The following SPOPL variants were observed in gnomAD, a reference collection of about 807,000 sequenced individuals.
SPOPL encodes the protein speckle type BTB/POZ protein like.
Under a neutral mutation model 53.8 loss-of-function variants are expected in SPOPL, and 23 were observed. That is an observed-to-expected ratio of 0.43 (90% confidence interval 0.31 to 0.61). The LOEUF is 0.61. Ranked by LOEUF, SPOPL falls within the 20% of genes least tolerant of loss-of-function variation. The probability of loss-of-function intolerance (pLI) is 0.12; values close to 1 mark genes in which losing one functional copy is unlikely to be tolerated. For missense variants in SPOPL, 442 were observed against 466.9 expected (o/e 0.95, Z 0.49); for synonymous variants, 164 against 149.7 (o/e 1.10, Z -0.70).
At chr2:138,558,631 A>C (rs1453143752) in intron 5 of SPOPL, among the ~76,000 whole-genome samples, 2 of 152,096 alleles carry the variant, frequency 1.3e-5, no homozygotes, top group African/African-American at 4.8e-5. Context: ...CATATAGTAA[A>C]ATTTAAATGT....
Position 138,538,280 on chromosome 2 carries a change from G to C in SPOPL, c.-60-11877G>C, listed in dbSNP as rs148088887. 2.0e-5 allele frequency among the ~76,000 whole-genome samples: 3 copies of C among 152,090 alleles called. No individual in the cohort carries two copies. In the East Asian group the frequency reaches 5.8e-4, roughly 29 times the overall value. ...TCTTTATTGATCTTCCTCGTTCTCT[G>C]CATCATTGAATGTTGGGTATTTCTG... On this transcript the variant is annotated intron_variant, in intron 1 of 10. Transcript: ENST00000280098.
At chr2:138,531,884 G>C (rs542014900) in intron 1 of SPOPL, among the ~76,000 whole-genome samples, 1 of 152,032 alleles carries the variant, frequency 6.6e-6, no homozygotes, top group Non-Finnish European at 1.5e-5. Context: ...AATTGTAAAG[G>C]CTCCAGATGA....
At chr2:138,529,816 T>G (rs543967379) in intron 1 of SPOPL, among the ~76,000 whole-genome samples, 5 of 152,348 alleles carry the variant, frequency 3.3e-5, no homozygotes, top group African/African-American at 1.2e-4. Context: ...ATACATAATT[T>G]TTTTAAACTT....
intron 1 of SPOPL, among the ~76,000 whole-genome samples, chr2:138,503,885 C>T (rs935676724): frequency 2.0e-5 from 3 of 152,170 alleles, no homozygotes; most frequent in Admixed American, 6.5e-5. Context: ...GCTTGTCTTC[C>T]TTCAGAAGAC....
Position 138,560,916 on chromosome 2 carries a change from G to T in SPOPL, c.826G>T (p.Ala276Ser), listed in dbSNP as rs1185378136. Residue 276 changes from alanine (A) to serine (S), a missense_variant, in exon 8 of 11, where the codon GCT (alanine) becomes TCT (serine). Ala to Ser is a moderately conservative substitution (Grantham distance 99). Coordinates refer to ENST00000280098, the MANE Select transcript of SPOPL (RefSeq NM_001001664.3). ...LDKMADNLLA[A>S]ADKYALERLK... ...CAAAATGGCTGACAACTTGTTGGCA[G>T]CTGCAGACAAAGTAAGTAATTAGGT... The T allele has an allele frequency of 2.5e-6, 4 of 1,608,776 alleles. No individual in the cohort carries two copies. The East Asian group carries it at 8.9e-5, about 36-fold the overall frequency.
intron 10 of SPOPL, among the ~76,000 whole-genome samples, chr2:138,566,238 A>G (rs1240921828): frequency 6.7e-6 from 1 of 150,120 alleles, no homozygotes; most frequent in African/African-American, 2.5e-5. Context: ...CTAATATGAT[A>G]TCATTATGGC....
intron 7 of SPOPL, 30 bp from the exon 8 acceptor site, chr2:138,560,775 T>A (rs1685528028): frequency 2.6e-6 from 4 of 1,549,512 alleles, no homozygotes; most frequent in African/African-American, 1.4e-5. Flanking sequence ...TTTTTTTTTT[T>A]AACATTTTTG....
chr2:138,520,416 T>G (rs1297540098), intron 1 of SPOPL, among the ~76,000 whole-genome samples: 1 of 152,220 alleles, frequency 6.6e-6, no homozygotes, highest in Non-Finnish European at 1.5e-5. Context: ...CATACCTGCG[T>G]ACATACATGT....
Position 138,569,201 on chromosome 2 carries a change from GA to G in SPOPL, c.*126del. On this transcript the variant is annotated 3_prime_UTR_variant, in exon 11 of 11. Transcript: ENST00000280098. ...TTATTTTGTCCACAGAACAGAAGCT[GA>G]AAAAGCATATTGCTTGCATTTCAGG... The G allele has an allele frequency of 1.8e-6, 2 of 1,122,024 alleles. No homozygotes were observed. Among genetic ancestry groups the G allele is most frequent in the Non-Finnish European group, 2.5e-6 (2 of 786,444 alleles). 69.5% of individuals were successfully genotyped at this position (1,122,024 alleles called of 1,614,324 possible).
Position 138,551,104 on chromosome 2 carries a change from A to T in SPOPL, c.352+50A>T. On this transcript the variant is annotated intron_variant, in intron 4 of 10. Coordinates refer to ENST00000280098, the MANE Select transcript of SPOPL (RefSeq NM_001001664.3). ...AGACATTTCTGTATAACTACATATT[A>T]TGACTTCTTCTGCACCTTTACCTAG... 2 of 1,597,258 alleles carry T rather than the reference A, an allele frequency of 1.3e-6. 1 individual carries two copies. Among genetic ancestry groups the T allele is most frequent in the South Asian group, 2.3e-5 (2 of 88,830 alleles).
At chr2:138,567,393 G>A (rs1685685838) in intron 10 of SPOPL, among the ~76,000 whole-genome samples, 1 of 141,722 alleles carries the variant, frequency 7.1e-6, no homozygotes, top group South Asian at 2.2e-4. Context: ...GTGTGTGTGT[G>A]TGTGTGTGTG....
chr2:138,542,766 A>G (rs6707869), intron 1 of SPOPL, among the ~76,000 whole-genome samples: 27,447 of 152,060 alleles, frequency 0.18, 3,199 homozygotes, highest in African/African-American at 0.33. Flanking sequence ...GTGTGAATTT[A>G]ATCCTGTCAT....
intron 9 of SPOPL, 37 bp downstream of exon 9, chr2:138,564,887 T>G: frequency 6.2e-7 from 1 of 1,613,792 alleles, no homozygotes; most frequent in Non-Finnish European, 8.5e-7. Context: ...CATGACAACT[T>G]CAATATTTTT....
In SPOPL at chr2:138,552,628, C is replaced by T. The variant is rs576448391; in HGVS notation, c.427C>T (p.Leu143Phe). 35 of 1,613,016 alleles carry T rather than the reference C, an allele frequency of 2.2e-5. No individual in the cohort carries two copies. The African/African-American group carries it at 4.1e-4, about 19-fold the overall frequency. Residue 143 changes from leucine to phenylalanine, a missense_variant, in exon 5 of 11, where the codon CTT becomes TTT. By Grantham distance (22) the Leu-to-Phe change is conservative. Transcript: ENST00000280098. ...AAAATTCATTAGAAGGGACTTTTTG[C>T]TTGATGAAGCTAATGGTCTTTTACC... The part of the protein sequence containing the change: ...FKKFIRRDFL[L>F]DEANGLLPDD...
intron 1 of SPOPL, among the ~76,000 whole-genome samples, chr2:138,511,158 G>A (rs977119770): frequency 2.6e-5 from 4 of 152,096 alleles, no homozygotes; most frequent in African/African-American, 9.7e-5. Context: ...TTTATCAATG[G>A]CGTTTGAGAA....
chr2:138,545,524 C>T (rs184526809), intron 1 of SPOPL, among the ~76,000 whole-genome samples: 1,660 of 152,054 alleles, frequency 0.011, 33 homozygotes, highest in African/African-American at 0.037. Flanking sequence ...AACTCTGCCT[C>T]CCGGGTTCAC....
intron 1 of SPOPL, among the ~76,000 whole-genome samples, chr2:138,546,671 A>G (rs1438063369): frequency 6.6e-6 from 1 of 152,236 alleles, no homozygotes; most frequent in African/African-American, 2.4e-5. Flanking sequence ...GCATGATTCT[A>G]TGGAAAGAGC....
At chr2:138,511,349 A>G (rs1432008270) in intron 1 of SPOPL, among the ~76,000 whole-genome samples, 1 of 152,234 alleles carries the variant, frequency 6.6e-6, no homozygotes, top group Non-Finnish European at 1.5e-5. Context: ...TTAAGAGGGT[A>G]TACCAGGTGT....
chr2:138,560,024 G>A (rs919662001), intron 7 of SPOPL, among the ~76,000 whole-genome samples: 4 of 152,106 alleles, frequency 2.6e-5, no homozygotes, highest in Non-Finnish European at 5.9e-5. Flanking sequence ...TCCAAGTTGG[G>A]AGACATCAAT....
Sources: gnomAD v4.1 joint callset for allele counts (sites outside exome capture counted in the v4.1 genomes callset) on GRCh38, gnomAD v4.1.1 for gene constraint, MANE v1.5 for transcripts, NCBI Gene and HGNC (gene_info 2026-07-23, HGNC 2026-07-21) for gene names.